COLGALT2: variants seen among roughly 807,000 people sequenced by gnomAD.
The protein encoded by COLGALT2 is procollagen galactosyltransferase 2.
A neutral mutation model predicts 73.4 loss-of-function variants in COLGALT2; 49 were observed. That is an observed-to-expected ratio of 0.67 (90% CI 0.53 to 0.85). COLGALT2 has a LOEUF of 0.85. Among genes scored for constraint, COLGALT2 ranks in the 40% least tolerant of loss-of-function variants. COLGALT2 has a pLI of 0.00. For missense variants in COLGALT2, 722 were observed against 790.2 expected, an observed-to-expected ratio of 0.91 and a Z score of 1.03; for synonymous variants, 295 against 307.6, an observed-to-expected ratio of 0.96 and a Z score of 0.43.
intron 9 of COLGALT2, 64 bp from the exon 10 acceptor site, chr1:183,944,387 A>G: frequency 6.5e-7 from 1 of 1,539,828 alleles, no homozygotes; most frequent in South Asian, 1.3e-5. Context: ...TTATTAGATA[A>G]ATAAGTATTA....
intron 1 of COLGALT2, among the ~76,000 whole-genome samples, chr1:184,035,785 ATCCT>A: frequency 6.6e-6 from 1 of 152,152 alleles, no homozygotes; most frequent in African/African-American, 2.4e-5. Flanking sequence ...TTAAAAAAAA[ATCCT>A]TCCTTCTGGT....
chr1:183,938,657 C>T lies in COLGALT2; in HGVS notation c.*104G>A, dbSNP rs1670028847. ...ATCACTTTGGTTAGATGACTGTGACCACTAAGAACAAAACAAAACAGAAAA... is the reference window on the plus strand; with the variant it reads ...ATCACTTTGGTTAGATGACTGTGACTACTAAGAACAAAACAAAACAGAAAA... On this transcript the variant is annotated 3_prime_UTR_variant, in exon 12 of 12. Transcript: ENST00000361927. 6.7e-7 allele frequency: 1 copy of T among 1,496,028 alleles called. No homozygotes were observed. Among genetic ancestry groups the T allele is most frequent in the Non-Finnish European group, 8.9e-7 (1 of 1,122,258 alleles). 92.7% of individuals were successfully genotyped at this position (1,496,028 alleles called of 1,614,324 possible).
intron 6 of COLGALT2, among the ~76,000 whole-genome samples, chr1:183,959,340 C>A (rs1670635247): frequency 6.6e-6 from 1 of 152,206 alleles, no homozygotes; most frequent in South Asian, 2.1e-4. Context: ...CTTATATATC[C>A]AACTATCTTC....
At chr1:184,023,649 G>A (rs565834848) in intron 1 of COLGALT2, among the ~76,000 whole-genome samples, 7 of 151,932 alleles carry the variant, frequency 4.6e-5, no homozygotes, top group East Asian at 3.9e-4. Context: ...GAGGTGGGGG[G>A]GGGGGGCGGT....
chr1:183,933,671 C>T (rs1042966473), downstream of COLGALT2, among the ~76,000 whole-genome samples: 1 of 152,124 alleles, frequency 6.6e-6, no homozygotes, highest in Non-Finnish European at 1.5e-5. Flanking sequence ...ATCAAATTCC[C>T]CCACTAGTAA....
At chr1:183,964,624 A>T (rs987639991) in intron 5 of COLGALT2, 1 of 152,270 alleles carries the variant, frequency 6.6e-6, no homozygotes, top group African/African-American at 2.4e-5. Flanking sequence ...GAGACAAAAG[A>T]GTCTGCATTT....
exon 12 of COLGALT2, chr1:183,929,892 C>T (rs974803211): frequency 2.2e-5 from 4 of 182,786 alleles, no homozygotes; most frequent in African/African-American, 4.8e-5. Context: ...TTTTCTTTCA[C>T]GGGACAGTGT....
rs1670443942 is a variant in COLGALT2, at chr1:183,953,095, C to T, written c.1029+1667G>A. On this transcript the variant is annotated intron_variant, in intron 7 of 11. Transcript: ENST00000361927. ...ACTTTCAGTAAATAACAATCCAGTTCCAGTCCCTGCCAGGACAAGTGCAAT... is the reference window on the plus strand; with the variant it reads ...ACTTTCAGTAAATAACAATCCAGTTTCAGTCCCTGCCAGGACAAGTGCAAT... Among the ~76,000 whole-genome samples the T allele has an allele frequency of 3.3e-5, 5 of 152,192 alleles. No homozygotes were observed. In the South Asian group the frequency reaches 1.0e-3, roughly 31 times the overall value.
rs897801955 is a variant in COLGALT2 at position 183,936,896 on chromosome 1, C to T, written c.*1865G>A. 3 of 1,231,776 alleles carry T rather than the reference C, an allele frequency of 2.4e-6. No homozygotes were observed. The highest frequency in any genetic ancestry group is 4.2e-5 in the Admixed American group (1 of 23,714). The allele number at this position is 1,231,776 out of a possible 1,614,324, so 76.3% of individuals were successfully genotyped here. Reference sequence around the variant, plus strand: ...CGGGAAGGAAGGCCGAGGCTGGCGTCTGGTGGAAGGCAAGCTGCCTCTTGT... The same window carrying T: ...CGGGAAGGAAGGCCGAGGCTGGCGTTTGGTGGAAGGCAAGCTGCCTCTTGT... On this transcript the variant is annotated 3_prime_UTR_variant, in exon 12 of 12. Coordinates refer to ENST00000361927, the MANE Select transcript of COLGALT2 (RefSeq NM_015101.4).
chr1:183,997,053 TA>T (rs34919092), intron 1 of COLGALT2, among the ~76,000 whole-genome samples: 1 of 152,122 alleles, frequency 6.6e-6, no homozygotes, highest in East Asian at 1.9e-4. Context: ...GCAGGCAGTG[TA>T]AAAAGCTCTA....
intron 1 of COLGALT2, among the ~76,000 whole-genome samples, chr1:183,980,631 T>C (rs1671323755): frequency 1.3e-5 from 2 of 152,058 alleles, no homozygotes; most frequent in African/African-American, 4.8e-5. Flanking sequence ...AATCCTACAA[T>C]AGATACTTCC....
Position 183,942,781 on chromosome 1 carries a change from C to T in COLGALT2, c.1397+1415G>A, listed in dbSNP as rs570748541. 2.6e-5 allele frequency among the ~76,000 whole-genome samples: 4 copies of T among 152,288 alleles called. No homozygotes were observed. In the South Asian group the frequency reaches 8.3e-4, roughly 32 times the overall value. On this transcript the variant is annotated intron_variant, in intron 10 of 11. Transcript: ENST00000361927. ...TGATCAACCTGTGAAATTTAGAAAA[C>T]ATTTTTTTCCTGTATCCTTATCAAG...
At chr1:184,035,920 G>A (rs1649659565) in intron 1 of COLGALT2, among the ~76,000 whole-genome samples, 1 of 152,200 alleles carries the variant, frequency 6.6e-6, no homozygotes, top group South Asian at 2.1e-4. Flanking sequence ...TATATCACAT[G>A]TTTGCTTTCG....
intron 1 of COLGALT2, among the ~76,000 whole-genome samples, chr1:184,014,022 T>C (rs949093405): frequency 3.3e-5 from 5 of 152,042 alleles, no homozygotes; most frequent in Non-Finnish European, 5.9e-5. Context: ...GTCTGAGATA[T>C]AAGTTAGAGG....
At chr1:184,030,684 T>C (rs771464307) in intron 1 of COLGALT2, among the ~76,000 whole-genome samples, 10 of 152,188 alleles carry the variant, frequency 6.6e-5, no homozygotes, top group Non-Finnish European at 1.2e-4. Flanking sequence ...AAGAAGCACA[T>C]GCTTATGTAT....
intron 1 of COLGALT2, among the ~76,000 whole-genome samples, chr1:184,022,224 A>G (rs756367930): frequency 6.6e-6 from 1 of 152,226 alleles, no homozygotes; most frequent in Non-Finnish European, 1.5e-5. Context: ...TACTACAATG[A>G]CTAAAACTAA....
chr1:183,992,513 A>G (rs1671656131), intron 1 of COLGALT2, among the ~76,000 whole-genome samples: 2 of 152,194 alleles, frequency 1.3e-5, no homozygotes, highest in African/African-American at 2.4e-5. Context: ...AATATAGTCA[A>G]TGAAGCACTC....
At chr1:183,948,099 A>T (rs996636317) in intron 8 of COLGALT2, among the ~76,000 whole-genome samples, 3 of 152,086 alleles carry the variant, frequency 2.0e-5, no homozygotes, top group African/African-American at 7.2e-5. Context: ...AATAAAAAAA[A>T]TTTCCATAAA....
At position 184,037,472 on chromosome 1, in the gene COLGALT2, C is replaced by A; in HGVS notation, c.-115G>T. On this transcript the variant is annotated 5_prime_UTR_variant, in exon 1 of 12. Transcript: ENST00000361927. ...GGCTGCGAGGGGCGGCCGGGGGATG[C>A]GGCTTGCCGCGGCCGGCCGGCTCAC... 8.4e-7 allele frequency: 1 copy of A among 1,192,448 alleles called. No individual in the cohort carries two copies. The highest frequency in any genetic ancestry group is 1.0e-6 in the Non-Finnish European group (1 of 964,124). The allele number at this position is 1,192,448 out of a possible 1,614,324, so 73.9% of individuals were successfully genotyped here.
Sources: allele counts gnomAD v4.1 joint callset (sites outside exome capture counted in the v4.1 genomes callset), GRCh38; gene constraint gnomAD v4.1.1; transcripts MANE v1.5; gene names NCBI Gene and HGNC (gene_info 2026-07-23, HGNC 2026-07-21).